Variants in COL4A5 observed in about 807,000 individuals in gnomAD.
The protein encoded by COL4A5 is collagen alpha-5(IV) chain.
A neutral mutation model predicts 130.2 loss-of-function variants in COL4A5; 26 were observed. That is an observed-to-expected ratio of 0.20 (90% CI 0.15 to 0.28). The LOEUF (loss-of-function observed/expected upper bound fraction) is 0.28. Among genes scored for constraint, COL4A5 ranks in the 10% least tolerant of loss-of-function variants. The pLI is 1.00. For missense variants in COL4A5, 1,131 were observed against 1,344.3 expected (o/e 0.84, Z 2.48); for synonymous variants, 496 against 439.6 (o/e 1.13, Z -1.60).
chrX:108,576,684 C>G (rs2066155542), intron 10 of COL4A5, among the ~76,000 whole-genome samples: 1 of 112,015 alleles, frequency 8.9e-6, no homozygotes. Context: ...CTCTCATCTA[C>G]CATATATTTA....
chrX:108,445,447 G>A (rs1310829669), intron 1 of COL4A5, among the ~76,000 whole-genome samples: 3 of 111,866 alleles, frequency 2.7e-5, no homozygotes, highest in African/African-American at 6.5e-5. Flanking sequence ...TATTCATGGA[G>A]GTGTACTGCC....
chrX:108,473,808 T>G (rs1175634440), intron 1 of COL4A5, among the ~76,000 whole-genome samples: 2 of 104,277 alleles, frequency 1.9e-5, no homozygotes, highest in African/African-American at 7.0e-5. Context: ...ATTTTTGTAT[T>G]TTTAGTAGAG....
intron 42 of COL4A5, among the ~76,000 whole-genome samples, chrX:108,673,523 T>A (rs2068245317): frequency 9.0e-6 from 1 of 110,664 alleles, no homozygotes; most frequent in African/African-American, 3.3e-5. Context: ...GAATAGCCTG[T>A]CTTAATATGT....
rs955623874 is a variant in COL4A5 at position 108,620,515 on chromosome X, A to G, written c.2677+89A>G. ...GATAATTCCCATGTTACACTTTTCT[A>G]GATTGACGTGATCCCTTAAGGATGA... On this transcript the variant is annotated intron_variant, in intron 31 of 52. Coordinates refer to ENST00000328300, the MANE Select transcript of COL4A5 (RefSeq NM_033380.3). 7.1e-4 allele frequency: 550 copies of G among 774,429 alleles called. 1 individual carries two copies. The highest frequency in any genetic ancestry group is 8.9e-4 in the Non-Finnish European group (463 of 518,024). 63.8% of individuals were successfully genotyped at this position (774,429 alleles called of 1,213,427 possible).
intron 1 of COL4A5, among the ~76,000 whole-genome samples, chrX:108,452,753 C>G (rs1412055395): frequency 1.8e-5 from 2 of 111,871 alleles, no homozygotes; most frequent in Admixed American, 9.5e-5. Flanking sequence ...TCTAGATATA[C>G]AATCATGTCA....
At chrX:108,460,614 T>C (rs911630716) in intron 1 of COL4A5, among the ~76,000 whole-genome samples, 1 of 105,147 alleles carries the variant, frequency 9.5e-6, no homozygotes, top group Non-Finnish European at 1.9e-5. Flanking sequence ...CTCAGCCTCC[T>C]GAGTAGATGG....
At chrX:108,535,240 A>G (rs1406605244) in intron 1 of COL4A5, among the ~76,000 whole-genome samples, 2 of 111,225 alleles carry the variant, frequency 1.8e-5, no homozygotes, top group Admixed American at 1.9e-4. Flanking sequence ...AAATTCTTCT[A>G]TAATTGTAAA....
intron 1 of COL4A5, among the ~76,000 whole-genome samples, chrX:108,504,660 A>G (rs745872766): frequency 7.1e-5 from 8 of 112,412 alleles, no homozygotes; most frequent in Non-Finnish European, 1.3e-4. Context: ...CTAATCATCA[A>G]TGTAAATGCA....
chrX:108,627,110 A>G (rs1291744988), intron 36 of COL4A5: 13 of 666,085 alleles, frequency 2.0e-5, no homozygotes, highest in Admixed American at 9.0e-5. Flanking sequence ...TAATTGATCA[A>G]TGTCTTATAA....
intron 36 of COL4A5, among the ~76,000 whole-genome samples, chrX:108,648,909 A>C (rs1201342141): frequency 1.8e-5 from 2 of 111,376 alleles, no homozygotes; most frequent in Non-Finnish European, 3.8e-5. Context: ...GACAAGAGAA[A>C]GAAAAAAAGA....
At chrX:108,598,940 T>A (rs1446001413) in intron 25 of COL4A5, 70 bp downstream of exon 25, 1 of 1,074,133 alleles carries the variant, frequency 9.3e-7, no homozygotes, top group Non-Finnish European at 1.3e-6. Context: ...TGGCTACTCA[T>A]GGCTTCCTTT....
At chrX:108,630,196 T>C (rs1176364499) in intron 36 of COL4A5, among the ~76,000 whole-genome samples, 3 of 112,031 alleles carry the variant, frequency 2.7e-5, no homozygotes, top group Non-Finnish European at 5.6e-5. Context: ...CTGGGTCTAA[T>C]GGTATTTCTA....
chrX:108,459,514 TAAC>T (rs1227758998), intron 1 of COL4A5, among the ~76,000 whole-genome samples: 5 of 112,438 alleles, frequency 4.4e-5, no homozygotes, highest in Non-Finnish European at 7.5e-5. Flanking sequence ...TATTTATAAA[TAAC>T]AATGATGTGA....
rs1307411555 is a variant in COL4A5 at position 108,526,653 on chromosome X, TTTCTTTC to T, written c.82-13083_82-13077del. Among the ~76,000 whole-genome samples, 324 of 63,201 alleles carry T rather than the reference TTTCTTTC, an allele frequency of 5.1e-3. 10 individuals carry two copies. Among genetic ancestry groups the T allele is most frequent in the African/African-American group, 0.027 (302 of 10,985 alleles). The allele number at this position is 63,201 out of a possible 115,157, so 54.9% of individuals were successfully genotyped here. A position where few individuals can be genotyped will look rare whatever the true frequency, so the allele number is the denominator to read the frequency against. On this transcript the variant is annotated intron_variant, in intron 1 of 52. Transcript: ENST00000328300. ...CTTTCTTTCTTTCTTTCTTTCTTTC[TTTCTTTC>T]TTCTTTCTTTCTCTTTCTTTCTTTC...
intron 6 of COL4A5, among the ~76,000 whole-genome samples, chrX:108,569,189 T>C (rs1949126486): frequency 8.9e-6 from 1 of 112,161 alleles, no homozygotes; most frequent in Admixed American, 9.4e-5. Context: ...AAAAACTAGG[T>C]ACAATTTATG....
chrX:108,500,946 G>A (rs1373273339), intron 1 of COL4A5, among the ~76,000 whole-genome samples: 1 of 110,978 alleles, frequency 9.0e-6, no homozygotes, highest in African/African-American at 3.3e-5. Context: ...TTGGGAGGTG[G>A]AGAGAGAGAT....
At chrX:108,695,515 A>T (rs1034178767) in intron 52 of COL4A5, 76 bp downstream of exon 52, 1 of 996,446 alleles carries the variant, frequency 1.0e-6, no homozygotes, top group Non-Finnish European at 1.4e-6. Flanking sequence ...CAATTTATGG[A>T]TGGTTTATCC....
At chrX:108,455,366 T>C (rs2064573850) in intron 1 of COL4A5, among the ~76,000 whole-genome samples, 1 of 112,331 alleles carries the variant, frequency 8.9e-6, no homozygotes, top group African/African-American at 3.2e-5. Flanking sequence ...GCTATTAAAG[T>C]TGCTATGGGC....
chrX:108,578,181 ACTGT>A, intron 12 of COL4A5, 62 bp downstream of exon 12: 3 of 1,148,969 alleles, frequency 2.6e-6, no homozygotes, highest in Non-Finnish European at 2.4e-6. Context: ...AGTCATTTGA[ACTGT>A]CTTTTTCTTT....
Sources: allele counts gnomAD v4.1 joint callset (sites outside exome capture counted in the v4.1 genomes callset), GRCh38; gene constraint gnomAD v4.1.1; transcripts MANE v1.5; gene names NCBI Gene and HGNC (gene_info 2026-07-23, HGNC 2026-07-21).